The following SLC7A14 variants were observed in gnomAD, a reference collection of about 807,000 sequenced individuals.
SLC7A14 encodes the protein solute carrier family 7 member 14, also known as gamma-aminobutyric acid transporter SLC7A14.
Under a neutral mutation model 60.2 loss-of-function variants are expected in SLC7A14, and 37 were observed. The ratio of observed to expected loss-of-function variants is 0.61; its 90% CI spans 0.47 to 0.81. The LOEUF is 0.81. Among genes scored for constraint, SLC7A14 ranks in the 30% least tolerant of loss-of-function variants. SLC7A14 has a pLI of 0.00. For missense variants in SLC7A14, 886 were observed against 982.7 expected (o/e 0.90, Z 1.32); for synonymous variants, 399 against 395.8 (o/e 1.01, Z -0.10).
At chr3:170,499,025 AG>A (rs1712511997) in intron 3 of SLC7A14, 141 bp from the exon 4 acceptor site, 6 of 694,156 alleles carry the variant, frequency 8.6e-6, no homozygotes, top group African/African-American at 5.4e-5. Context: ...TCACGAGGTC[AG>A]GAGATTGAGA....
chr3:170,526,682 A>G lies in SLC7A14; in HGVS notation c.255T>C (p.Pro85=). ...SGLVAKEMAG[P]GVIVSFIIAA... ...CAATGATGAAGGACACAATGACACCAGGTCCTGCCATTTCCTTGGCCACCA... is the reference window on the plus strand; with the variant it reads ...CAATGATGAAGGACACAATGACACCGGGTCCTGCCATTTCCTTGGCCACCA... Residue 85 remains proline (P), a synonymous_variant, in exon 2 of 8, where the codon CCT becomes CCC. Coordinates refer to ENST00000231706, the MANE Select transcript of SLC7A14 (RefSeq NM_020949.3). The G allele has an allele frequency of 6.2e-7, 1 of 1,614,244 alleles. No individual in the cohort carries two copies. Among genetic ancestry groups the G allele is most frequent in the Non-Finnish European group, 8.5e-7 (1 of 1,180,042 alleles).
intron 1 of SLC7A14, among the ~76,000 whole-genome samples, chr3:170,558,693 C>T (rs1301450391): frequency 1.3e-5 from 2 of 152,174 alleles, no homozygotes; most frequent in Admixed American, 6.5e-5. Context: ...ATACAAAACA[C>T]ACCTACTTCA....
At chr3:170,511,551 C>G (rs1236935908) in intron 2 of SLC7A14, among the ~76,000 whole-genome samples, 1 of 152,154 alleles carries the variant, frequency 6.6e-6, no homozygotes, top group African/African-American at 2.4e-5. Context: ...ACAGGTGTTA[C>G]AGTTCCTGAC....
intron 6 of SLC7A14, 61 bp from the exon 7 acceptor site, chr3:170,481,227 C>T: frequency 6.6e-7 from 1 of 1,526,168 alleles, no homozygotes; most frequent in South Asian, 1.3e-5. Context: ...TCCAGTGCAG[C>T]CAACATAGGG....
At chr3:170,487,755 G>T (rs966302914) in intron 4 of SLC7A14, among the ~76,000 whole-genome samples, 3 of 152,172 alleles carry the variant, frequency 2.0e-5, no homozygotes, top group Admixed American at 2.0e-4. Context: ...CTACTCTGGG[G>T]TTCTTATCCT....
chr3:170,460,719 T>C lies in SLC7A14; in HGVS notation c.*6336A>G, dbSNP rs929449495. ...AAAAGCACAGAGTGAGTTCCTACCA[T>C]AAAAATCCAGGCTGCCCCTGTTTCC... is the stretch of plus-strand genomic sequence containing the variant. On this transcript the variant is annotated 3_prime_UTR_variant, in exon 8 of 8. Coordinates refer to ENST00000231706, the MANE Select transcript of SLC7A14 (RefSeq NM_020949.3). 1 of 151,506 alleles carries C rather than the reference T, an allele frequency of 6.6e-6. No homozygotes were observed. The highest frequency in any genetic ancestry group is 1.5e-5 in the Non-Finnish European group (1 of 67,900). The allele number at this position is 151,506 out of a possible 1,614,324, so 9.4% of individuals were successfully genotyped here.
At position 170,526,577 on chromosome 3, in the gene SLC7A14, G is replaced by C. The variant is rs915630131; in HGVS notation, c.304+56C>G. On this transcript the variant is annotated intron_variant, in intron 2 of 7. Coordinates refer to ENST00000231706, the MANE Select transcript of SLC7A14 (RefSeq NM_020949.3). ...ATACTCCGGAGAAAGGGGATGAACA[G>C]TGACCAGGCTGGTAAGCACACTTTC... 8 of 1,574,482 alleles carry C rather than the reference G, an allele frequency of 5.1e-6. No individual in the cohort carries two copies. The South Asian group carries it at 8.2e-5, about 16-fold the overall frequency.
intron 1 of SLC7A14, among the ~76,000 whole-genome samples, chr3:170,550,505 T>G (rs1246349272): frequency 1.4e-5 from 2 of 145,108 alleles, no homozygotes; most frequent in Non-Finnish European, 3.0e-5. Context: ...ATGCCATCTT[T>G]CCTTGAATTT....
At chr3:170,483,215 G>A in intron 6 of SLC7A14, 99 bp downstream of exon 6, 2 of 1,363,508 alleles carry the variant, frequency 1.5e-6, no homozygotes, top group East Asian at 2.3e-5. Context: ...CATGTGAAAG[G>A]CACTGATGTC....
chr3:170,539,635 T>C (rs1165640663), intron 1 of SLC7A14, among the ~76,000 whole-genome samples: 1 of 152,240 alleles, frequency 6.6e-6, no homozygotes, highest in Non-Finnish European at 1.5e-5. Flanking sequence ...GTAGGAATTT[T>C]GTATCTAATT....
intron 1 of SLC7A14, among the ~76,000 whole-genome samples, chr3:170,546,611 G>A (rs1714186792): frequency 6.6e-6 from 1 of 152,182 alleles, no homozygotes; most frequent in Admixed American, 6.5e-5. Context: ...TTAAACAGAA[G>A]TTCTTCCTGC....
intron 1 of SLC7A14, among the ~76,000 whole-genome samples, chr3:170,583,300 G>A (rs1715287049): frequency 6.6e-6 from 1 of 152,238 alleles, no homozygotes. Context: ...TCCCAGGTAT[G>A]TTGGGTTAGA....
intron 2 of SLC7A14, among the ~76,000 whole-genome samples, chr3:170,522,736 A>T (rs1462259492): frequency 6.6e-6 from 1 of 152,182 alleles, no homozygotes; most frequent in African/African-American, 2.4e-5. Context: ...ACACGATTAT[A>T]TGTGTTTACT....
chr3:170,498,554 G>A, intron 4 of SLC7A14, 113 bp downstream of exon 4: 2 of 849,856 alleles, frequency 2.4e-6, no homozygotes, highest in South Asian at 3.4e-5. Flanking sequence ...TAAAGAGGGT[G>A]CTGTGGTAAT....
intron 4 of SLC7A14, among the ~76,000 whole-genome samples, chr3:170,488,189 T>C (rs1282448856): frequency 1.3e-5 from 2 of 152,228 alleles, no homozygotes; most frequent in African/African-American, 4.8e-5. Flanking sequence ...ACAGGCTTCA[T>C]CAAACATCCA....
chr3:170,532,331 C>T lies in SLC7A14; in HGVS notation c.-152-5243G>A, dbSNP rs1402832639. The stretch of plus-strand genomic sequence containing the variant: ...CTGAGGACCCTTCTGAGGTCTCTGC[C>T]CACTCCCGCATCCAGGTCTTGGCTA... On this transcript the variant is annotated intron_variant, in intron 1 of 7. Transcript: ENST00000231706. This position sits in a 1 kb window ranked among gnomAD's most constrained non-coding sequence, Gnocchi z 4.0. Among the ~76,000 whole-genome samples, 1 of 152,166 alleles carries T rather than the reference C, an allele frequency of 6.6e-6. No homozygotes were observed. Among genetic ancestry groups the T allele is most frequent in the Non-Finnish European group, 1.5e-5 (1 of 68,026 alleles).
At chr3:170,476,597 C>G (rs548727718) in intron 7 of SLC7A14, among the ~76,000 whole-genome samples, 2 of 152,200 alleles carry the variant, frequency 1.3e-5, no homozygotes, top group Admixed American at 1.3e-4. Flanking sequence ...AGGTTCACAT[C>G]GTGCTTTGGC....
intron 7 of SLC7A14, chr3:170,476,876 A>G (rs1711633954): frequency 1.3e-5 from 2 of 152,228 alleles, no homozygotes; most frequent in Non-Finnish European, 2.9e-5. Flanking sequence ...CTCCAAAGGT[A>G]AGGGCCCCTG....
chr3:170,578,251 A>G (rs539019243), intron 1 of SLC7A14, among the ~76,000 whole-genome samples: 1 of 152,376 alleles, frequency 6.6e-6, no homozygotes, highest in East Asian at 1.9e-4. Context: ...CCAACATTCA[A>G]TGCTGAATCA....
Sources: allele counts gnomAD v4.1 joint callset (sites outside exome capture counted in the v4.1 genomes callset), GRCh38; gene constraint gnomAD v4.1.1; non-coding constraint Gnocchi (gnomAD v3.1); transcripts MANE v1.5; gene names NCBI Gene and HGNC (gene_info 2026-07-23, HGNC 2026-07-21).